Variants in ANXA7 observed in about 807,000 individuals in gnomAD.
ANXA7 encodes annexin A7, also known as annexin VII.
ANXA7 carries 55 observed loss-of-function variants against 64.9 expected under a neutral mutation model. The ratio of observed to expected loss-of-function variants is 0.85; its 90% confidence interval spans 0.68 to 1.06. The LOEUF (loss-of-function observed/expected upper bound fraction) is 1.06, where lower values mean the gene tolerates loss of function less well. ANXA7 is among the 50% of genes least tolerant of loss of function. ANXA7 has a pLI of 0.00. For synonymous variants in ANXA7, 200 were observed against 192.4 expected (o/e 1.04, Z -0.33); for missense variants, 548 against 582.1 (o/e 0.94, Z 0.60).
chr10:73,387,737 A>T lies in ANXA7; in HGVS notation c.585T>A (p.Asn195Lys). Residue 195 changes from asparagine to lysine, a missense_variant, in exon 7 of 13, where the codon AAT becomes AAA. Asn to Lys is a moderately conservative substitution (Grantham distance 94). Transcript: ENST00000372921. ...AIVDVVANRSNDQRQKIKAAF... is the reference protein window; with the variant it reads ...AIVDVVANRSKDQRQKIKAAF... ...CTGCTTTAATTTTTTGCCTCTGATC[A>T]TTGGAACGGTTGGCCACCACATCCA... The T allele has an allele frequency of 6.2e-7, 1 of 1,613,966 alleles. No individual in the cohort carries two copies. The highest frequency in any genetic ancestry group is 8.5e-7 in the Non-Finnish European group (1 of 1,180,000).
Position 73,398,288 on chromosome 10 carries a change from C to A in ANXA7, c.152G>T (p.Ser51Ile). Reference protein sequence around the residue: ...MGGGAYPQVPSSGYPGAGGYP... With the variant: ...MGGGAYPQVPISGYPGAGGYP... ...GCCTCCAGCTCCTGGGTAGCCACTACTTGGCACTTGTGGGTAGGCACCTCC... is the reference window on the plus strand; with the variant it reads ...GCCTCCAGCTCCTGGGTAGCCACTAATTGGCACTTGTGGGTAGGCACCTCC... The change falls in exon 3 of 13, where the codon AGT (serine) becomes ATT (isoleucine). Residue 51 changes from serine to isoleucine, a missense_variant. Ser to Ile is a moderately radical substitution (Grantham distance 142). Transcript: ENST00000372921. 1 of 1,614,132 alleles carries A rather than the reference C, an allele frequency of 6.2e-7. No individual in the cohort carries two copies. The highest frequency in any genetic ancestry group is 8.5e-7 in the Non-Finnish European group (1 of 1,180,012).
chr10:73,405,470 C>A (rs964609347), intron 1 of ANXA7, among the ~76,000 whole-genome samples: 1 of 148,184 alleles, frequency 6.7e-6, no homozygotes, highest in Non-Finnish European at 1.5e-5. Flanking sequence ...ACCCAGGAGG[C>A]AGAGGTTGCA....
intron 1 of ANXA7, among the ~76,000 whole-genome samples, chr10:73,409,180 G>A (rs558796207): frequency 6.6e-6 from 1 of 152,198 alleles, no homozygotes; most frequent in East Asian, 1.9e-4. Flanking sequence ...GGAAAGTAGG[G>A]GAAAGCAATA....
chr10:73,391,323 T>A (rs12258203), intron 5 of ANXA7, among the ~76,000 whole-genome samples: 1,952 of 149,972 alleles, frequency 0.013, 43 homozygotes, highest in African/African-American at 0.045. Flanking sequence ...TGAAAAACTA[T>A]CATAGAGCTG....
intron 1 of ANXA7, among the ~76,000 whole-genome samples, chr10:73,402,684 C>T (rs193187376): frequency 1.1e-3 from 162 of 152,252 alleles, no homozygotes; most frequent in Non-Finnish European, 2.0e-3. Flanking sequence ...TGTTCAGAAA[C>T]CTGTTAACTT....
intron 1 of ANXA7, chr10:73,408,224 G>A: frequency 6.6e-6 from 1 of 152,128 alleles, no homozygotes; most frequent in Non-Finnish European, 1.5e-5. Context: ...GGAAGCTGAG[G>A]TGGGAGAATT....
chr10:73,390,743 C>CAG (rs2055466485), intron 5 of ANXA7, among the ~76,000 whole-genome samples: 1 of 141,758 alleles, frequency 7.1e-6, no homozygotes, highest in East Asian at 2.0e-4. Flanking sequence ...TACACACACA[C>CAG]ACATATATAT....
At position 73,377,772 on chromosome 10, in the gene ANXA7, G is replaced by GT. The variant is rs1194557483; in HGVS notation, c.1278+1138_1278+1139insA. 5.1e-3 allele frequency among the ~76,000 whole-genome samples: 718 copies of GT among 140,710 alleles called. 23 individuals carry two copies. The highest frequency in any genetic ancestry group is 0.02 in the African/African-American group (686 of 34,514). The allele number at this position is 140,710 out of a possible 152,430, so 92.3% of individuals were successfully genotyped here. A position where few individuals can be genotyped will look rare whatever the true frequency, so the allele number is the denominator to read the frequency against. ...GACTACCATGCCGGGGGGTGGGTGT[G>GT]GGTGTGTGTGTGTGTGTGTGTGTGT... On this transcript the variant is annotated intron_variant, in intron 12 of 12. Coordinates refer to ENST00000372921, the MANE Select transcript of ANXA7 (RefSeq NM_001156.5).
chr10:73,407,202 A>G (rs975627228), intron 1 of ANXA7, among the ~76,000 whole-genome samples: 2 of 152,036 alleles, frequency 1.3e-5, no homozygotes, highest in African/African-American at 4.8e-5. Context: ...TTAGCATTCC[A>G]AGTAGCTGAG....
At chr10:73,399,914 G>A (rs1197112864) in intron 2 of ANXA7, among the ~76,000 whole-genome samples, 1 of 151,906 alleles carries the variant, frequency 6.6e-6, no homozygotes, top group Non-Finnish European at 1.5e-5. Flanking sequence ...GGCCAAGGAG[G>A]GCAGATCATT....
At chr10:73,403,989 G>A (rs1589664431) in intron 1 of ANXA7, among the ~76,000 whole-genome samples, 1 of 152,318 alleles carries the variant, frequency 6.6e-6, no homozygotes, top group Admixed American at 6.5e-5. Flanking sequence ...TAAGTCCTCA[G>A]TAAGTGTTAA....
intron 9 of ANXA7, among the ~76,000 whole-genome samples, chr10:73,382,165 C>T (rs1169639418): frequency 1.3e-5 from 2 of 152,188 alleles, no homozygotes; most frequent in African/African-American, 4.8e-5. Flanking sequence ...TGAACCACCA[C>T]ACCCAGCCCC....
At chr10:73,389,478 G>A (rs1401039975) in intron 5 of ANXA7, among the ~76,000 whole-genome samples, 2 of 152,174 alleles carry the variant, frequency 1.3e-5, no homozygotes, top group African/African-American at 4.8e-5. Flanking sequence ...TCATTGCATT[G>A]TGTTTATGTA....
intron 9 of ANXA7, among the ~76,000 whole-genome samples, chr10:73,380,912 G>A (rs1336682111): frequency 6.6e-6 from 1 of 152,148 alleles, no homozygotes; most frequent in Non-Finnish European, 1.5e-5. Context: ...TTTGTGTCAG[G>A]CACTGTGTTA....
intron 12 of ANXA7, among the ~76,000 whole-genome samples, chr10:73,377,829 G>A (rs2055205231): frequency 3.1e-5 from 4 of 130,190 alleles, no homozygotes. Context: ...GTTTCACCGT[G>A]TGTGTGTGTG....
intron 1 of ANXA7, among the ~76,000 whole-genome samples, chr10:73,406,117 G>A (rs764268510): frequency 4.0e-5 from 6 of 151,898 alleles, no homozygotes; most frequent in African/African-American, 1.2e-4. Context: ...CACCACACCC[G>A]GCTAATTTAT....
intron 1 of ANXA7, among the ~76,000 whole-genome samples, chr10:73,413,530 G>A (rs1416883240): frequency 1.3e-5 from 2 of 152,206 alleles, no homozygotes; most frequent in African/African-American, 2.4e-5. Context: ...AACTGTAAAC[G>A]AGAACCAGTG....
intron 12 of ANXA7, among the ~76,000 whole-genome samples, chr10:73,377,781 T>TGG (rs1463988161): frequency 6.7e-6 from 1 of 148,468 alleles, no homozygotes; most frequent in African/African-American, 2.5e-5. Flanking sequence ...TGGGTGTGTG[T>TGG]GTGTGTGTGT....
chr10:73,383,778 G>T, intron 7 of ANXA7, 88 bp from the exon 8 acceptor site: 2 of 881,806 alleles, frequency 2.3e-6, no homozygotes, highest in South Asian at 1.5e-5. Flanking sequence ...AAAAGAAATG[G>T]AATTGCTTTA....
Sources: allele counts gnomAD v4.1 joint callset (sites outside exome capture counted in the v4.1 genomes callset), GRCh38; gene constraint gnomAD v4.1.1; transcripts MANE v1.5; gene names NCBI Gene and HGNC (gene_info 2026-07-23, HGNC 2026-07-21).